The following DTNBP1 variants were observed in gnomAD, a reference collection of about 807,000 sequenced individuals.
DTNBP1 encodes dysbindin.
In DTNBP1, 35 loss-of-function variants were observed where a neutral mutation model predicts 42.8. The ratio of observed to expected loss-of-function variants is 0.82; its 90% CI spans 0.63 to 1.09. The LOEUF (loss-of-function observed/expected upper bound fraction) is 1.09, where lower values mean the gene tolerates loss of function less well. Among genes scored for constraint, DTNBP1 ranks in the 50% least tolerant of loss-of-function variants. DTNBP1 has a pLI of 0.00. For synonymous variants in DTNBP1, 171 were observed against 162.2 expected (o/e 1.05, Z -0.41); for missense variants, 457 against 424.2 (o/e 1.08, Z -0.68).
At position 15,663,023 on chromosome 6, in the gene DTNBP1, A is replaced by C; in HGVS notation, c.-154T>G. ...GGTCTGGTCCTCGCCGCCGCGCCGC[A>C]ACCCCAGCCCCTTCCGCGTTCCCGC... is the stretch of plus-strand genomic sequence containing the variant. On this transcript the variant is annotated 5_prime_UTR_variant, in exon 1 of 10. Transcript: ENST00000344537. 9.1e-7 allele frequency: 1 copy of C among 1,095,158 alleles called. No individual in the cohort carries two copies. The allele number at this position is 1,095,158 out of a possible 1,614,324, so 67.8% of individuals were successfully genotyped here.
At chr6:15,536,055 C>T (rs919672326) in intron 7 of DTNBP1, among the ~76,000 whole-genome samples, 16 of 152,160 alleles carry the variant, frequency 1.1e-4, no homozygotes, top group Admixed American at 9.8e-4. Context: ...AAGACATGAC[C>T]TGGATTATTC....
chr6:15,637,573 T>G (rs1760104329), intron 4 of DTNBP1, among the ~76,000 whole-genome samples, 171 bp downstream of exon 4: 2 of 152,176 alleles, frequency 1.3e-5, no homozygotes, highest in African/African-American at 2.4e-5. Context: ...GACAGAGAAA[T>G]GATAAAAAGG....
At chr6:15,532,161 C>T (rs973338070) in intron 8 of DTNBP1, among the ~76,000 whole-genome samples, 11 of 152,176 alleles carry the variant, frequency 7.2e-5, no homozygotes, top group African/African-American at 1.7e-4. Flanking sequence ...AAGGTTTGGA[C>T]GGGTCTCCCC....
At chr6:15,614,986 G>C (rs370154989) in intron 6 of DTNBP1, 21 of 506,788 alleles carry the variant, frequency 4.1e-5, no homozygotes, top group African/African-American at 3.7e-4. Context: ...GAGAAAACTA[G>C]CTCAGGGCTC....
chr6:15,558,785 A>G (rs1380834567), intron 7 of DTNBP1, among the ~76,000 whole-genome samples: 1 of 152,208 alleles, frequency 6.6e-6, no homozygotes, highest in Non-Finnish European at 1.5e-5. Context: ...AGAGTCAAGA[A>G]AACTTTTCTT....
chr6:15,567,470 AAACAAAC>A (rs2113508365), intron 7 of DTNBP1, among the ~76,000 whole-genome samples: 1 of 115,480 alleles, frequency 8.7e-6, no homozygotes, highest in African/African-American at 3.2e-5. Flanking sequence ...ACAAACAAAC[AAACAAAC>A]AAACAAACAA....
chr6:15,647,828 A>G (rs565950832), intron 3 of DTNBP1, among the ~76,000 whole-genome samples: 1 of 151,986 alleles, frequency 6.6e-6, no homozygotes, highest in Non-Finnish European at 1.5e-5. Flanking sequence ...TCTACCAAAC[A>G]TTTAAAAAAG....
rs1412079778 is a variant in DTNBP1, at chr6:15,662,959, C to T, written c.-90G>A. ...TCCCACGCCGCCAACCCCGCGCTGT[C>T]ACCGCGCGCCCCGCACTCCCACTAC... On this transcript the variant is annotated 5_prime_UTR_variant, in exon 1 of 10. Transcript: ENST00000344537. 1.3e-6 allele frequency: 2 copies of T among 1,562,878 alleles called. No individual in the cohort carries two copies. The highest frequency in any genetic ancestry group is 1.4e-5 in the African/African-American group (1 of 73,782).
At chr6:15,563,205 A>G (rs1392608527) in intron 7 of DTNBP1, among the ~76,000 whole-genome samples, 1 of 152,210 alleles carries the variant, frequency 6.6e-6, no homozygotes, top group Non-Finnish European at 1.5e-5. Context: ...TCACAGAAGA[A>G]TTTTATGACC....
intron 6 of DTNBP1, chr6:15,614,984 T>G (rs1758633766): frequency 2.0e-6 from 1 of 497,386 alleles, no homozygotes; most frequent in Non-Finnish European, 3.7e-6. Context: ...TGGAGAAAAC[T>G]AGCTCAGGGC....
At chr6:15,526,342 G>A (rs1007203340) in intron 8 of DTNBP1, among the ~76,000 whole-genome samples, 4 of 152,198 alleles carry the variant, frequency 2.6e-5, no homozygotes, top group African/African-American at 9.7e-5. Context: ...TTACCCTCCT[G>A]AACAAAGACA....
chr6:15,661,077 T>C (rs1041954762), intron 1 of DTNBP1, among the ~76,000 whole-genome samples: 7 of 152,222 alleles, frequency 4.6e-5, no homozygotes, highest in African/African-American at 1.7e-4. Flanking sequence ...ACAAAAATGA[T>C]TGACGCATGG....
intron 7 of DTNBP1, among the ~76,000 whole-genome samples, chr6:15,581,825 A>C (rs1055451816): frequency 7.9e-5 from 12 of 152,170 alleles, no homozygotes; most frequent in Non-Finnish European, 1.3e-4. Flanking sequence ...TCTGCAATAG[A>C]GAAGATTTGA....
chr6:15,575,019 A>G (rs751866249), intron 7 of DTNBP1, among the ~76,000 whole-genome samples: 2 of 152,240 alleles, frequency 1.3e-5, no homozygotes, highest in Non-Finnish European at 2.9e-5. Flanking sequence ...AGCACTTGAT[A>G]CTGCCATACT....
At chr6:15,553,400 T>G (rs950018142) in intron 7 of DTNBP1, among the ~76,000 whole-genome samples, 1 of 151,672 alleles carries the variant, frequency 6.6e-6, no homozygotes, top group African/African-American at 2.4e-5. Context: ...AAGATAGATA[T>G]TGTTTTAAAT....
Position 15,524,571 on chromosome 6 carries a change from GGAA to G in DTNBP1, c.763_765del (p.Phe255del). Reference sequence around the variant, plus strand: ...GTGTTCTCTTCTCCTCCAGAGTTCAGGAAGACGTCCAGGGCCTCCTGGTCCGAT... The same window carrying G: ...GTGTTCTCTTCTCCTCCAGAGTTCAGGACGTCCAGGGCCTCCTGGTCCGAT... On this transcript the variant is annotated inframe_deletion, in exon 9 of 10. Coordinates refer to ENST00000344537, the MANE Select transcript of DTNBP1 (RefSeq NM_032122.5). The G allele has an allele frequency of 6.2e-7, 1 of 1,611,844 alleles. No homozygotes were observed. Among genetic ancestry groups the G allele is most frequent in the Non-Finnish European group, 8.5e-7 (1 of 1,178,802 alleles).
chr6:15,573,007 C>T (rs1561967153), intron 7 of DTNBP1, among the ~76,000 whole-genome samples: 2 of 152,228 alleles, frequency 1.3e-5, no homozygotes, highest in Admixed American at 6.5e-5. Context: ...ATGGGGATTA[C>T]AGGTGTGAGC....
At chr6:15,623,135 T>C (rs977509777) in intron 5 of DTNBP1, among the ~76,000 whole-genome samples, 3 of 152,228 alleles carry the variant, frequency 2.0e-5, no homozygotes, top group Non-Finnish European at 4.4e-5. Context: ...ATCTATGTAG[T>C]AGCCTAAAAG....
chr6:15,641,101 A>T (rs1760319354), intron 3 of DTNBP1, among the ~76,000 whole-genome samples: 1 of 152,246 alleles, frequency 6.6e-6, no homozygotes, highest in Admixed American at 6.5e-5. Context: ...TTAAAAGGCC[A>T]GCGTCTGGTT....
Sources: gnomAD v4.1 joint callset for allele counts (sites outside exome capture counted in the v4.1 genomes callset) on GRCh38, gnomAD v4.1.1 for gene constraint, MANE v1.5 for transcripts, NCBI Gene and HGNC (gene_info 2026-07-23, HGNC 2026-07-21) for gene names.